The following MACO1 variants were observed in gnomAD, a reference collection of about 807,000 sequenced individuals.
MACO1 encodes the protein macoilin 1.
In MACO1, 14 loss-of-function variants were observed where a neutral mutation model predicts 78.7. The observed-to-expected ratio is 0.18, with a 90% CI of 0.12 to 0.28. The LOEUF is 0.28. Ranked by LOEUF, MACO1 falls within the 10% of genes least tolerant of loss-of-function variation. MACO1 has a pLI of 1.00. For synonymous variants in MACO1, 288 were observed against 291.6 expected (o/e 0.99, Z 0.12); for missense variants, 501 against 799.0 (o/e 0.63, Z 4.50).
chr1:25,491,612 T>A, intron 10 of MACO1, 28 bp downstream of exon 10: 3 of 1,602,444 alleles, frequency 1.9e-6, no homozygotes, highest in Non-Finnish European at 2.6e-6. Context: ...CCTGGTGAGG[T>A]GGTGTGACTG....
chr1:25,466,408 G>A (rs1384759170), intron 6 of MACO1, among the ~76,000 whole-genome samples: 2 of 152,164 alleles, frequency 1.3e-5, no homozygotes, highest in African/African-American at 2.4e-5. Context: ...CCACCTCCTG[G>A]GTTCAAGTGA....
intron 3 of MACO1, among the ~76,000 whole-genome samples, chr1:25,449,855 C>G (rs2043049473): frequency 6.6e-6 from 1 of 152,168 alleles, no homozygotes; most frequent in Admixed American, 6.5e-5. Context: ...CCCACCTCTA[C>G]TAAAAATACA....
intron 6 of MACO1, among the ~76,000 whole-genome samples, chr1:25,483,504 T>C (rs2043399241): frequency 6.6e-6 from 1 of 152,124 alleles, no homozygotes; most frequent in Non-Finnish European, 1.5e-5. Flanking sequence ...ACAGATGGAG[T>C]TCTCTTATGA....
chr1:25,457,040 T>C (rs2043127801), intron 5 of MACO1, among the ~76,000 whole-genome samples: 1 of 151,878 alleles, frequency 6.6e-6, no homozygotes. Flanking sequence ...TGTTTAAATA[T>C]GTTTATTTTA....
chr1:25,487,613 A>G (rs1330107301), intron 8 of MACO1, among the ~76,000 whole-genome samples: 1 of 151,898 alleles, frequency 6.6e-6, no homozygotes, highest in Non-Finnish European at 1.5e-5. Context: ...GCTCAACCTT[A>G]TGATAGCCCT....
rs776875658 is a variant in MACO1, at chr1:25,456,802, T to G, written c.623T>G (p.Leu208Arg). 19 of 1,611,078 alleles carry G rather than the reference T, an allele frequency of 1.2e-5. No homozygotes were observed. The highest frequency in any genetic ancestry group is 1.6e-5 in the Non-Finnish European group (19 of 1,179,292). Residue 208 changes from leucine to arginine, a missense_variant, in exon 5 of 11, where the codon CTA becomes CGA. This residue lies in a region of MACO1 where 171 missense variants were observed against 292.1 expected (regional missense o/e 0.59). Transcript: ENST00000374343. ...QQALPPEQQMLQKQEKEAEEA... is the reference protein window; with the variant it reads ...QQALPPEQQMRQKQEKEAEEA... ...GCTCTCCCTCCAGAGCAACAGATGC[T>G]ACAGAAGCAAGAAAAAGAGGCCGAG...
At chr1:25,473,043 G>A (rs1201569609) in intron 6 of MACO1, among the ~76,000 whole-genome samples, 1 of 152,118 alleles carries the variant, frequency 6.6e-6, no homozygotes, top group Non-Finnish European at 1.5e-5. Flanking sequence ...CATCTGTCTA[G>A]TAAGTTTAGT....
At chr1:25,486,748 G>T (rs1174904731) in intron 8 of MACO1, among the ~76,000 whole-genome samples, 2 of 152,176 alleles carry the variant, frequency 1.3e-5, no homozygotes, top group Non-Finnish European at 2.9e-5. Flanking sequence ...CAGCAAGTGA[G>T]AACTCTCTCC....
At chr1:25,446,497 G>A (rs1323145940) in intron 1 of MACO1, among the ~76,000 whole-genome samples, 2 of 152,040 alleles carry the variant, frequency 1.3e-5, no homozygotes, top group African/African-American at 4.8e-5. Context: ...AATAGTGGTG[G>A]GATTTAAATG....
In MACO1 at chr1:25,470,205, T is replaced by C. The variant is rs76819520; in HGVS notation, c.1154+11313T>C. 8.3e-4 allele frequency among the ~76,000 whole-genome samples: 127 copies of C among 152,316 alleles called. 2 individuals carry two copies. The East Asian group carries it at 0.017, about 21-fold the overall frequency. On this transcript the variant is annotated intron_variant, in intron 6 of 10. Coordinates refer to ENST00000374343, the MANE Select transcript of MACO1 (RefSeq NM_018202.6). Reference sequence around the variant, plus strand: ...CCTATTTTGTGATCTTAGAGAAACATTTCAAAGCCACTAGCAAATTTGGGG... The same window carrying C: ...CCTATTTTGTGATCTTAGAGAAACACTTCAAAGCCACTAGCAAATTTGGGG...
At position 25,485,917 on chromosome 1, in the gene MACO1, T is replaced by A. The variant is rs926047416; in HGVS notation, c.1496+122T>A. The A allele has an allele frequency of 4.7e-6, 5 of 1,070,050 alleles. No individual in the cohort carries two copies. Among genetic ancestry groups the A allele is most frequent in the Non-Finnish European group, 6.8e-6 (5 of 732,186 alleles). The allele number at this position is 1,070,050 out of a possible 1,614,324, so 66.3% of individuals were successfully genotyped here. On this transcript the variant is annotated intron_variant, in intron 8 of 10. Coordinates refer to ENST00000374343, the MANE Select transcript of MACO1 (RefSeq NM_018202.6). The surrounding 1 kb of genome is among the most constrained non-coding windows in gnomAD (Gnocchi z 4.3). Reference sequence around the variant, plus strand: ...GCAATCATGCACGGATGGATTGCTTTTAAGTACTGTTTTATTAACTGGTTT... The same window carrying A: ...GCAATCATGCACGGATGGATTGCTTATAAGTACTGTTTTATTAACTGGTTT...
intron 10 of MACO1, among the ~76,000 whole-genome samples, chr1:25,496,398 G>A (rs1029656082): frequency 2.5e-4 from 38 of 151,968 alleles, no homozygotes; most frequent in African/African-American, 7.7e-4. Context: ...TCCACCCACC[G>A]CGGTCTCCCA....
chr1:25,484,028 C>T, intron 6 of MACO1, 88 bp from the exon 7 acceptor site: 1 of 1,361,804 alleles, frequency 7.3e-7, no homozygotes, highest in Non-Finnish European at 9.9e-7. Flanking sequence ...CTGCCATTCA[C>T]CCAGCAGTCC....
In MACO1 at chr1:25,479,213, G is replaced by A. The variant is rs182411156; in HGVS notation, c.1155-4903G>A. Among the ~76,000 whole-genome samples, 3 of 152,178 alleles carry A rather than the reference G, an allele frequency of 2.0e-5. No homozygotes were observed. The East Asian group carries it at 5.8e-4, about 29-fold the overall frequency. Reference sequence around the variant, plus strand: ...ATAAAATCATATTAATACATTTGGCGATTTTGCATTAACCTTTTAACACCA... The same window carrying A: ...ATAAAATCATATTAATACATTTGGCAATTTTGCATTAACCTTTTAACACCA... On this transcript the variant is annotated intron_variant, in intron 6 of 10. Coordinates refer to ENST00000374343, the MANE Select transcript of MACO1 (RefSeq NM_018202.6).
At chr1:25,441,465 G>A (rs985641328) in intron 1 of MACO1, among the ~76,000 whole-genome samples, 13 of 152,300 alleles carry the variant, frequency 8.5e-5, no homozygotes, top group Middle Eastern at 3.4e-3. Context: ...GATTATAGGC[G>A]TGAGCCACTG....
In MACO1 at chr1:25,499,557, G is replaced by A. The variant is rs369020935; in HGVS notation, c.*1091G>A. On this transcript the variant is annotated 3_prime_UTR_variant, in exon 11 of 11. Coordinates refer to ENST00000374343, the MANE Select transcript of MACO1 (RefSeq NM_018202.6). ...ACTATTCCTCAGCTCTTGTGCCAAG[G>A]AGGGTTTTTTTTTTTTAAGACTCTT... 6.7e-6 allele frequency: 1 copy of A among 148,742 alleles called. No individual in the cohort carries two copies. The highest frequency in any genetic ancestry group is 1.9e-4 in the East Asian group (1 of 5,176). The allele number at this position is 148,742 out of a possible 1,614,324, so 9.2% of individuals were successfully genotyped here. A position where few individuals can be genotyped will look rare whatever the true frequency, so the allele number is the denominator to read the frequency against.
At chr1:25,479,909 A>G (rs2043356085) in intron 6 of MACO1, among the ~76,000 whole-genome samples, 1 of 152,216 alleles carries the variant, frequency 6.6e-6, no homozygotes, top group African/African-American at 2.4e-5. Flanking sequence ...CTCTCTCACC[A>G]ATATTAAATA....
At chr1:25,453,530 G>A (rs2043087091) in intron 3 of MACO1, among the ~76,000 whole-genome samples, 1 of 151,280 alleles carries the variant, frequency 6.6e-6, no homozygotes, top group Admixed American at 6.6e-5. Flanking sequence ...GGTCGTGGTG[G>A]TGGGCGCCTA....
intron 6 of MACO1, among the ~76,000 whole-genome samples, chr1:25,476,367 T>C (rs1005322527): frequency 6.6e-6 from 1 of 152,250 alleles, no homozygotes; most frequent in Non-Finnish European, 1.5e-5. Flanking sequence ...TTGCTTGTTT[T>C]TGTACACTTA....
Sources: allele counts gnomAD v4.1 joint callset (sites outside exome capture counted in the v4.1 genomes callset), GRCh38; gene constraint gnomAD v4.1.1; regional missense constraint gnomAD v4.1.1; non-coding constraint Gnocchi (gnomAD v3.1); transcripts MANE v1.5; gene names NCBI Gene and HGNC (gene_info 2026-07-23, HGNC 2026-07-21).